The following MYO15A variants were observed in gnomAD, a reference collection of about 807,000 sequenced individuals.
MYO15A encodes the protein unconventional myosin-XV.
A neutral mutation model predicts 394.6 loss-of-function variants in MYO15A; 308 were observed. The ratio of observed to expected loss-of-function variants is 0.78; its 90% CI spans 0.71 to 0.86. The LOEUF (loss-of-function observed/expected upper bound fraction) is 0.86. Ranked by LOEUF, MYO15A falls within the 40% of genes least tolerant of loss-of-function variation. MYO15A has a pLI of 0.00. For missense variants in MYO15A, 4,606 were observed against 4,799.1 expected, an observed-to-expected ratio of 0.96 and a Z score of 1.19; for synonymous variants, 1,957 against 2,003.8, an observed-to-expected ratio of 0.98 and a Z score of 0.62.
Position 18,139,546 on chromosome 17 carries a change from C to T in MYO15A, c.5146C>T (p.Leu1716=). 2 of 1,614,068 alleles carry T rather than the reference C, an allele frequency of 1.2e-6. No individual in the cohort carries two copies. The highest frequency in any genetic ancestry group is 1.7e-6 in the Non-Finnish European group (2 of 1,179,992). ...TTCCCCTTTTCAGGTGCACAAGTTC[C>T]TGGACAAGAACCACGACCAAGTGCG... The part of the protein sequence containing the change: ...GKVTYQVHKF[L]DKNHDQVRQD... The change falls in exon 19 of 66, where the codon CTG becomes TTG. Residue 1716 remains leucine, a synonymous_variant. Transcript: ENST00000647165.
At chr17:18,113,924 A>G (rs1239906551) in intron 1 of MYO15A, among the ~76,000 whole-genome samples, 1 of 151,682 alleles carries the variant, frequency 6.6e-6, no homozygotes, top group African/African-American at 2.4e-5. Flanking sequence ...GGTCCTGGAG[A>G]TCGCTCCCTA....
At chr17:18,172,391 A>G (rs1221933421) in intron 64 of MYO15A, 101 bp downstream of exon 64, 2 of 1,501,536 alleles carry the variant, frequency 1.3e-6, no homozygotes, top group Non-Finnish European at 1.8e-6. Flanking sequence ...GCCCAGTTCC[A>G]CTGCTTACCA....
intron 62 of MYO15A, among the ~76,000 whole-genome samples, chr17:18,170,401 C>A (rs545991801): frequency 6.6e-6 from 1 of 151,344 alleles, no homozygotes; most frequent in Non-Finnish European, 1.5e-5. Context: ...CTCTGTCACC[C>A]AGACTGGAGT....
At position 18,150,423 on chromosome 17, in the gene MYO15A, C is replaced by G. The variant is rs780931345; in HGVS notation, c.7213-6C>G. 1 of 1,613,646 alleles carries G rather than the reference C, an allele frequency of 6.2e-7. No homozygotes were observed. On this transcript the variant is annotated splice_region_variant and splice_polypyrimidine_tract_variant and intron_variant, in intron 35 of 65. Coordinates refer to ENST00000647165, the MANE Select transcript of MYO15A (RefSeq NM_016239.4). This position sits in a 1 kb window ranked among gnomAD's most constrained non-coding sequence, Gnocchi z 4.4. Reference sequence around the variant, plus strand: ...GATGGTCACTTGAGCCACCCACTGCCCCCAGGACCTGGAGAAGCCAACAGC... The same window carrying G: ...GATGGTCACTTGAGCCACCCACTGCGCCCAGGACCTGGAGAAGCCAACAGC...
intron 3 of MYO15A, 189 bp downstream of exon 3, chr17:18,124,754 C>T: frequency 1.6e-6 from 1 of 627,446 alleles, no homozygotes. Context: ...AAATCCTAGC[C>T]CCACCACTCA....
At chr17:18,155,797 T>C (rs1055371271) in intron 47 of MYO15A, 2 of 424,894 alleles carry the variant, frequency 4.7e-6, no homozygotes, top group Non-Finnish European at 4.4e-6. Flanking sequence ...CTCCCTCCCC[T>C]GCTAGAAGTC....
intron 30 of MYO15A, among the ~76,000 whole-genome samples, chr17:18,146,742 T>C (rs1567649028): frequency 6.6e-6 from 1 of 152,152 alleles, no homozygotes; most frequent in Non-Finnish European, 1.5e-5. Flanking sequence ...CTGGACAATG[T>C]ATTGAGACCT....
chr17:18,128,075 C>T (rs966715568), intron 7 of MYO15A, among the ~76,000 whole-genome samples: 1 of 151,776 alleles, frequency 6.6e-6, no homozygotes, highest in Non-Finnish European at 1.5e-5. Flanking sequence ...GAGGTGCAAG[C>T]AGATTGGGTC....
In MYO15A at chr17:18,143,618, A is replaced by T; in HGVS notation, c.5963A>T (p.Glu1988Val). ...GAGGGGGCGCTGCTGTGGGAGCAGG[A>T]GGTGGGTGTGGGTCTGGGTGGCAGC... ...QVEGALLWEQ[E>V]ELSKREVVAV... Residue 1988 changes from glutamate (E) to valine (V), a missense_variant and splice_region_variant, in exon 26 of 66, where the codon GAG becomes GTG. This residue lies in a region of MYO15A where 2,776 missense variants were observed against 3,109.3 expected (regional missense o/e 0.89). Transcript: ENST00000647165. The T allele has an allele frequency of 1.9e-6, 3 of 1,567,472 alleles. No homozygotes were observed. The highest frequency in any genetic ancestry group is 2.6e-6 in the Non-Finnish European group (3 of 1,155,712).
In MYO15A at chr17:18,131,309, G is replaced by A. The variant is rs771676248; in HGVS notation, c.4109G>A (p.Arg1370His). 9 of 1,614,108 alleles carry A rather than the reference G, an allele frequency of 5.6e-6. No individual in the cohort carries two copies. The highest frequency in any genetic ancestry group is 2.2e-5 in the East Asian group (1 of 44,868). Reference sequence around the variant, plus strand: ...ACCGTCAGGAACGACAACTCCAGCCGCTTTGGGAAGTTTGTGGAAATCTTT... The same window carrying A: ...ACCGTCAGGAACGACAACTCCAGCCACTTTGGGAAGTTTGTGGAAATCTTT... ...AKTVRNDNSS[R>H]FGKFVEIFLE... Residue 1370 changes from arginine (R) to histidine (H), a missense_variant, in exon 9 of 66, where the codon CGC (arginine) becomes CAC (histidine). Physicochemically the swap from Arg to His is conservative, Grantham distance 29. Coordinates refer to ENST00000647165, the MANE Select transcript of MYO15A (RefSeq NM_016239.4).
rs1306819727 is a variant in MYO15A at position 18,119,745 on chromosome 17, A to T, written c.945A>T (p.Pro315=). The change falls in exon 2 of 66, where the codon CCA becomes CCT. Residue 315 remains proline (P), a synonymous_variant. Coordinates refer to ENST00000647165, the MANE Select transcript of MYO15A (RefSeq NM_016239.4). ...ACGGCTACGACGATTACGAACCCCC[A>T]TATGCGCCCCCGTCGGGGTACTCGT... ...YGYGYDDYEP[P]YAPPSGYSSP... is the part of the protein sequence containing the mutation. The T allele has an allele frequency of 6.2e-7, 1 of 1,612,604 alleles. No individual in the cohort carries two copies. Among genetic ancestry groups the T allele is most frequent in the African/African-American group, 1.3e-5 (1 of 74,870 alleles).
intron 62 of MYO15A, 23 bp from the exon 63 acceptor site, chr17:18,171,615 T>A (rs1337792846): frequency 1.2e-6 from 2 of 1,613,592 alleles, no homozygotes; most frequent in African/African-American, 2.7e-5. Context: ...CTCAGGACCT[T>A]TTTCCCCTTC....
At chr17:18,168,217 A>G (rs778829838) in intron 62 of MYO15A, among the ~76,000 whole-genome samples, 1 of 152,204 alleles carries the variant, frequency 6.6e-6, no homozygotes, top group Non-Finnish European at 1.5e-5. Context: ...ACCACTTTTT[A>G]TAGAGACGGG....
chr17:18,140,692 C>G, intron 20 of MYO15A, 27 bp downstream of exon 20: 1 of 1,613,928 alleles, frequency 6.2e-7, no homozygotes. Context: ...GTGGGCGGAG[C>G]ACCCAGCCTC....
chr17:18,178,909 T>C lies in MYO15A; in HGVS notation c.*39T>C. On this transcript the variant is annotated 3_prime_UTR_variant, in exon 66 of 66. Coordinates refer to ENST00000647165, the MANE Select transcript of MYO15A (RefSeq NM_016239.4). ...CCTCCAGTACCTTCTGCCAGAAGAC[T>C]CACTGTGTGGCCTCAGAGAAATCAC... 1 of 1,588,252 alleles carries C rather than the reference T, an allele frequency of 6.3e-7. No homozygotes were observed.
Position 18,138,845 on chromosome 17 carries a change from A to G in MYO15A, c.5042A>G (p.Tyr1681Cys). ...TDHTFLQKCH[Y>C]HHGANPLYSK... Reference sequence around the variant, plus strand: ...CACACCTTCCTACAGAAGTGCCACTACCATCATGGCGCCAACCCGCTCTAT... The same window carrying G: ...CACACCTTCCTACAGAAGTGCCACTGCCATCATGGCGCCAACCCGCTCTAT... The change falls in exon 18 of 66, where the codon TAC becomes TGC. Residue 1681 changes from tyrosine to cysteine, a missense_variant. Tyr to Cys is a radical substitution (Grantham distance 194). Around this residue, in one of 2 missense-constraint regions of MYO15A, gnomAD observed 2,776 missense variants for 3,109.3 expected, o/e 0.89. Transcript: ENST00000647165. The G allele has an allele frequency of 6.2e-7, 1 of 1,613,776 alleles. No individual in the cohort carries two copies. Among genetic ancestry groups the G allele is most frequent in the Non-Finnish European group, 8.5e-7 (1 of 1,179,910 alleles).
chr17:18,118,926 C>T lies in MYO15A; in HGVS notation c.126C>T (p.Asp42=). ...CGCGGCTGTTCATGGGCTTCCGCGA[C>T]CGTACACCCAAGATCTCCAAGAAGG... ...GTSRLFMGFR[D]RTPKISKKGQ... Residue 42 remains aspartate, a synonymous_variant, in exon 2 of 66, where the codon GAC becomes GAT. Coordinates refer to ENST00000647165, the MANE Select transcript of MYO15A (RefSeq NM_016239.4). 1 of 1,613,812 alleles carries T rather than the reference C, an allele frequency of 6.2e-7. No individual in the cohort carries two copies. Among genetic ancestry groups the T allele is most frequent in the Non-Finnish European group, 8.5e-7 (1 of 1,180,022 alleles).
intron 23 of MYO15A, 50 bp downstream of exon 23, chr17:18,141,820 T>G (rs568004116): frequency 1.3e-4 from 199 of 1,569,208 alleles, no homozygotes; most frequent in Non-Finnish European, 1.6e-4. Context: ...TTTGGGGGGG[T>G]CCACAACTAC....
At chr17:18,157,975 G>A in intron 51 of MYO15A, 75 bp downstream of exon 51, 2 of 1,437,774 alleles carry the variant, frequency 1.4e-6, no homozygotes, top group Non-Finnish European at 1.8e-6. Context: ...TGAGGCGAGT[G>A]GGGATAAGGT....
Sources: allele counts gnomAD v4.1 joint callset (sites outside exome capture counted in the v4.1 genomes callset), GRCh38; gene constraint gnomAD v4.1.1; regional missense constraint gnomAD v4.1.1; non-coding constraint Gnocchi (gnomAD v3.1); transcripts MANE v1.5; gene names NCBI Gene and HGNC (gene_info 2026-07-23, HGNC 2026-07-21).